Variants in FHIP1A observed in about 807,000 individuals in gnomAD.
The protein encoded by FHIP1A is FHF complex subunit HOOK-interacting protein 1A.
Under a neutral mutation model 88.6 loss-of-function variants are expected in FHIP1A, and 61 were observed. The observed-to-expected ratio is 0.69, with a 90% CI of 0.56 to 0.85. The LOEUF (loss-of-function observed/expected upper bound fraction) is 0.85, where lower values mean the gene tolerates loss of function less well. FHIP1A is among the 40% of genes least tolerant of loss of function. The pLI, the probability that FHIP1A is intolerant of heterozygous loss-of-function variation, is 0.00. For synonymous variants in FHIP1A, 478 were observed against 496.0 expected (o/e 0.96, Z 0.48); for missense variants, 1,154 against 1,273.5 (o/e 0.91, Z 1.43).
chr4:151,650,442 A>G lies in FHIP1A; in HGVS notation c.2401A>G (p.Lys801Glu). 1 of 1,551,612 alleles carries G rather than the reference A, an allele frequency of 6.4e-7. No homozygotes were observed. Among genetic ancestry groups the G allele is most frequent in the Non-Finnish European group, 8.7e-7 (1 of 1,146,890 alleles). ...TAAAGGAGAAAAGGAGAAGGAGGGG[A>G]AGAAGGAGCTAGAAGATGAGGAGGA... ...ESKGEKEKEG[K>E]KELEDEEDDF... The change falls in exon 11 of 14, where the codon AAG (lysine) becomes GAG (glutamate). Residue 801 changes from lysine (K) to glutamate (E), a missense_variant. Transcript: ENST00000435205.
chr4:151,571,903 C>G (rs137891173), intron 4 of FHIP1A, among the ~76,000 whole-genome samples: 1 of 152,328 alleles, frequency 6.6e-6, no homozygotes, highest in East Asian at 1.9e-4. Context: ...GCACTTCTAT[C>G]AGACTCTAAA....
chr4:151,561,266 T>G (rs1733160814), intron 3 of FHIP1A, among the ~76,000 whole-genome samples: 1 of 152,198 alleles, frequency 6.6e-6, no homozygotes, highest in Non-Finnish European at 1.5e-5. Context: ...ACTGAAATGA[T>G]GGACGTTTTA....
At chr4:151,514,187 T>C (rs1406416159) in intron 3 of FHIP1A, among the ~76,000 whole-genome samples, 3 of 152,098 alleles carry the variant, frequency 2.0e-5, no homozygotes, top group Admixed American at 6.5e-5. Flanking sequence ...ACTGAACAAC[T>C]TGCTCCTGAA....
At chr4:151,645,587 C>T (rs886356625) in intron 9 of FHIP1A, among the ~76,000 whole-genome samples, 1 of 150,920 alleles carries the variant, frequency 6.6e-6, no homozygotes, top group African/African-American at 2.4e-5. Context: ...GAAGCAAAAA[C>T]ACTCTGGCTG....
At chr4:151,550,854 G>A (rs911899873) in intron 3 of FHIP1A, among the ~76,000 whole-genome samples, 3 of 152,212 alleles carry the variant, frequency 2.0e-5, no homozygotes, top group Non-Finnish European at 4.4e-5. Context: ...GGACTGTGCA[G>A]AGGATGATGT....
At chr4:151,549,005 A>G (rs1344722443) in intron 3 of FHIP1A, among the ~76,000 whole-genome samples, 1 of 152,178 alleles carries the variant, frequency 6.6e-6, no homozygotes, top group Non-Finnish European at 1.5e-5. Context: ...GGTACCCTCT[A>G]CTGTTGTGTC....
At chr4:151,575,847 C>G (rs937351462) in intron 4 of FHIP1A, among the ~76,000 whole-genome samples, 1 of 152,154 alleles carries the variant, frequency 6.6e-6, no homozygotes. Flanking sequence ...CCTTTGCCAG[C>G]TTCCCCAATG....
At chr4:151,533,625 A>G (rs1241117594) in intron 3 of FHIP1A, among the ~76,000 whole-genome samples, 2 of 152,242 alleles carry the variant, frequency 1.3e-5, no homozygotes, top group Non-Finnish European at 2.9e-5. Context: ...CTGTTCAGAT[A>G]GAATAGTAAA....
Position 151,650,074 on chromosome 4 carries a change from C to T in FHIP1A, c.2033C>T (p.Pro678Leu). The stretch of plus-strand genomic sequence containing the variant: ...GCCCAGGCTGAAGTTCAGAGTGTCC[C>T]CATCAACAACGGCCCCCTCCTCAGC... ...AEAQAEVQSV[P>L]INNGPLLSTQ... Residue 678 changes from proline to leucine, a missense_variant, in exon 11 of 14, where the codon CCC becomes CTC. Transcript: ENST00000435205. The T allele has an allele frequency of 3.9e-6, 6 of 1,551,602 alleles. No homozygotes were observed. Among genetic ancestry groups the T allele is most frequent in the East Asian group, 2.4e-5 (1 of 40,904 alleles).
At chr4:151,453,581 A>G (rs941263246) in intron 1 of FHIP1A, among the ~76,000 whole-genome samples, 3 of 152,230 alleles carry the variant, frequency 2.0e-5, no homozygotes, top group African/African-American at 7.2e-5. Flanking sequence ...ATGAGATATT[A>G]TAAATGCTGA....
At chr4:151,422,111 A>G (rs1379346997) in intron 1 of FHIP1A, among the ~76,000 whole-genome samples, 2 of 151,872 alleles carry the variant, frequency 1.3e-5, no homozygotes, top group African/African-American at 4.8e-5. Flanking sequence ...CATTCATTAG[A>G]GTCCTCGAAG....
chr4:151,484,598 A>C (rs1235825223), intron 3 of FHIP1A, among the ~76,000 whole-genome samples: 1 of 152,190 alleles, frequency 6.6e-6, no homozygotes, highest in Non-Finnish European at 1.5e-5. Flanking sequence ...AACAAGGACC[A>C]CCCAAGTGGA....
chr4:151,604,251 C>G (rs1489742320), intron 7 of FHIP1A, among the ~76,000 whole-genome samples: 5 of 152,074 alleles, frequency 3.3e-5, no homozygotes, highest in African/African-American at 9.7e-5. Context: ...GTTGGCAGCT[C>G]TCGGTGCCCA....
intron 7 of FHIP1A, among the ~76,000 whole-genome samples, chr4:151,591,671 A>C (rs371149920): frequency 4.0e-5 from 6 of 151,490 alleles, no homozygotes; most frequent in Non-Finnish European, 7.4e-5. Flanking sequence ...TTCTCGTTCA[A>C]CTCCCACTTA....
Position 151,649,542 on chromosome 4 carries a change from C to G in FHIP1A, c.1501C>G (p.Leu501Val). 2 of 1,551,734 alleles carry G rather than the reference C, an allele frequency of 1.3e-6. No homozygotes were observed. The highest frequency in any genetic ancestry group is 1.7e-6 in the Non-Finnish European group (2 of 1,146,988). ...EYGKALDISY[L>V]QYLWEAHTNI... Reference sequence around the variant, plus strand: ...TGGGAAAGCCCTGGACATCAGCTACCTGCAGTACCTGTGGGAGGCCCACAC... The same window carrying G: ...TGGGAAAGCCCTGGACATCAGCTACGTGCAGTACCTGTGGGAGGCCCACAC... The change falls in exon 11 of 14, where the codon CTG becomes GTG. Residue 501 changes from leucine (L) to valine (V), a missense_variant. Physicochemically the swap from Leu to Val is conservative, Grantham distance 32. Transcript: ENST00000435205.
chr4:151,638,350 T>TGTGTGTGTGTGTGTGTGTGA (rs1553961911), intron 8 of FHIP1A, among the ~76,000 whole-genome samples: 2 of 150,086 alleles, frequency 1.3e-5, no homozygotes, highest in African/African-American at 2.4e-5. Context: ...TGTGTGTATG[T>TGTGTGTGTGTGTGTGTGTGA]GAGAGAGAGA....
At chr4:151,446,889 G>A (rs1722528942) in intron 1 of FHIP1A, among the ~76,000 whole-genome samples, 1 of 151,972 alleles carries the variant, frequency 6.6e-6, no homozygotes, top group Admixed American at 6.6e-5. Context: ...TTGAGGAGAT[G>A]GGTTGTGAAT....
chr4:151,515,430 A>C (rs367824783), intron 3 of FHIP1A, among the ~76,000 whole-genome samples: 15,516 of 151,220 alleles, frequency 0.1, 1,385 homozygotes, highest in South Asian at 0.27. Context: ...TCCTATTCAA[A>C]ATAGTGTTGG....
At chr4:151,524,301 C>CAA (rs5862962) in intron 3 of FHIP1A, among the ~76,000 whole-genome samples, 3 of 136,574 alleles carry the variant, frequency 2.2e-5, no homozygotes, top group East Asian at 2.2e-4. Context: ...GAATCTGTCT[C>CAA]AAAAAAAAAA....
Sources: allele counts gnomAD v4.1 joint callset (sites outside exome capture counted in the v4.1 genomes callset), GRCh38; gene constraint gnomAD v4.1.1; transcripts MANE v1.5; gene names NCBI Gene and HGNC (gene_info 2026-07-23, HGNC 2026-07-21).